TANC1: variants seen among roughly 807,000 people sequenced by gnomAD.
TANC1 encodes protein TANC1.
In TANC1, 77 loss-of-function variants were observed where a neutral mutation model predicts 149.7. The observed-to-expected ratio is 0.51, with a 90% CI of 0.43 to 0.62. The LOEUF (loss-of-function observed/expected upper bound fraction) is 0.62. Among genes scored for constraint, TANC1 ranks in the 20% least tolerant of loss-of-function variants. TANC1 has a pLI of 0.00. For missense variants in TANC1, 1,985 were observed against 2,321.8 expected (o/e 0.85, Z 2.98); for synonymous variants, 854 against 925.0 (o/e 0.92, Z 1.39).
At chr2:159,151,177 C>A (rs1366816379) in intron 7 of TANC1, among the ~76,000 whole-genome samples, 2 of 152,212 alleles carry the variant, frequency 1.3e-5, no homozygotes, top group Non-Finnish European at 2.9e-5. Context: ...TTTTTGCACA[C>A]TTTCTTTCTC....
Position 159,097,630 on chromosome 2 carries a change from A to T in TANC1, c.62-7A>T. ...GGTTTAACCTAAGTATTCTCTCTCTACTCTAGGAAGTGACTTTGGTCCAGA... is the reference window on the plus strand; with the variant it reads ...GGTTTAACCTAAGTATTCTCTCTCTTCTCTAGGAAGTGACTTTGGTCCAGA... On this transcript the variant is annotated splice_polypyrimidine_tract_variant and splice_region_variant and intron_variant, in intron 3 of 26. Coordinates refer to ENST00000263635, the MANE Select transcript of TANC1 (RefSeq NM_033394.3). 6.2e-7 allele frequency: 1 copy of T among 1,608,810 alleles called. No homozygotes were observed. The highest frequency in any genetic ancestry group is 2.2e-5 in the East Asian group (1 of 44,834).
intron 4 of TANC1, among the ~76,000 whole-genome samples, chr2:159,113,339 T>G (rs1290053527): frequency 6.6e-6 from 1 of 152,240 alleles, no homozygotes; most frequent in African/African-American, 2.4e-5. Flanking sequence ...TATTGTATTG[T>G]AGGAGGACAG....
chr2:159,225,404 T>A (rs1010314969), intron 23 of TANC1: 2 of 502,228 alleles, frequency 4.0e-6, no homozygotes, highest in African/African-American at 3.9e-5. Context: ...TTAATTAATT[T>A]TCCCCACATC....
chr2:159,023,268 T>C (rs911380628), intron 2 of TANC1, among the ~76,000 whole-genome samples: 1 of 152,110 alleles, frequency 6.6e-6, no homozygotes, highest in Non-Finnish European at 1.5e-5. Context: ...AAGAGAGAGA[T>C]CTGTGTATGT....
chr2:159,058,867 C>T (rs2042036044), intron 2 of TANC1, among the ~76,000 whole-genome samples: 1 of 152,104 alleles, frequency 6.6e-6, no homozygotes, highest in Non-Finnish European at 1.5e-5. Flanking sequence ...CCTGAAACAA[C>T]CTGTATGAAT....
Position 159,064,582 on chromosome 2 carries a change from C to T in TANC1, c.-15-1314C>T, listed in dbSNP as rs548160833. ...TTCTGGCCCTGCTGTTAATTAGCTT[C>T]GTGACCCCTGGCAAGCCAGCCTCCC... On this transcript the variant is annotated intron_variant, in intron 2 of 26. Transcript: ENST00000263635. Among the ~76,000 whole-genome samples the T allele has an allele frequency of 3.9e-5, 6 of 152,276 alleles. No individual in the cohort carries two copies. In the East Asian group the frequency reaches 9.6e-4, roughly 24 times the overall value.
At chr2:159,127,766 TAC>T (rs1307518248) in intron 4 of TANC1, among the ~76,000 whole-genome samples, 7 of 152,254 alleles carry the variant, frequency 4.6e-5, no homozygotes, top group African/African-American at 9.6e-5. Flanking sequence ...TGGGGCTTAA[TAC>T]CTAGGTGATG....
At chr2:159,226,525 A>G (rs1345391440) in intron 24 of TANC1, 1 of 152,212 alleles carries the variant, frequency 6.6e-6, no homozygotes, top group African/African-American at 2.4e-5. Flanking sequence ...CTAATTTTTA[A>G]TATCTATTAA....
chr2:159,070,898 G>A (rs1215757534), intron 3 of TANC1, among the ~76,000 whole-genome samples: 1 of 152,128 alleles, frequency 6.6e-6, no homozygotes, highest in African/African-American at 2.4e-5. Context: ...CGAGTAAATG[G>A]CTCAGCTAAT....
At chr2:159,136,085 G>T (rs1283442958) in intron 4 of TANC1, 109 bp from the exon 5 acceptor site, 184 of 576,494 alleles carry the variant, frequency 3.2e-4, no homozygotes, top group East Asian at 8.1e-4. Flanking sequence ...GAAGGCACTG[G>T]CTCTTCCTCT....
chr2:159,111,167 G>A (rs554181856), intron 4 of TANC1, among the ~76,000 whole-genome samples: 35 of 152,358 alleles, frequency 2.3e-4, no homozygotes, highest in Admixed American at 7.8e-4. Context: ...AAGGCAGGAT[G>A]CCTGGTGGTG....
At chr2:159,050,493 T>C (rs1274557372) in intron 2 of TANC1, among the ~76,000 whole-genome samples, 1 of 152,234 alleles carries the variant, frequency 6.6e-6, no homozygotes, top group Non-Finnish European at 1.5e-5. Flanking sequence ...AATGTCATTT[T>C]ATCTGGAAAT....
At chr2:159,228,926 A>G in intron 26 of TANC1, 30 bp downstream of exon 26, 3 of 1,579,576 alleles carry the variant, frequency 1.9e-6, no homozygotes, top group South Asian at 2.2e-5. Flanking sequence ...TTGTGTCTAG[A>G]GCTTTTTTTC....
intron 2 of TANC1, among the ~76,000 whole-genome samples, chr2:159,045,181 G>A (rs77267731): frequency 0.089 from 13,509 of 152,194 alleles, 652 homozygotes; most frequent in Non-Finnish European, 0.11. Flanking sequence ...CATATGGGCC[G>A]GGCGCAGTGG....
In TANC1 at chr2:159,230,013, G is replaced by A; in HGVS notation, c.4587G>A (p.Lys1529=). Residue 1529 remains lysine (K), a synonymous_variant, in exon 27 of 27, where the codon AAG becomes AAA. Coordinates refer to ENST00000263635, the MANE Select transcript of TANC1 (RefSeq NM_033394.3). This position sits in a 1 kb window ranked among gnomAD's most constrained non-coding sequence, Gnocchi z 4.4. ...CAGGGCTGCTCCTGCAGCCCTCCAAGCAGGCCCAGATCGTGAAAACCAGCC... is the reference window on the plus strand; with the variant it reads ...CAGGGCTGCTCCTGCAGCCCTCCAAACAGGCCCAGATCGTGAAAACCAGCC... ...AQPGLLLQPS[K]QAQIVKTSQH... is the part of the protein sequence containing the mutation. 1.2e-6 allele frequency: 2 copies of A among 1,614,060 alleles called. No individual in the cohort carries two copies. The highest frequency in any genetic ancestry group is 1.7e-6 in the Non-Finnish European group (2 of 1,180,038).
Position 159,230,629 on chromosome 2 carries a change from C to A in TANC1, c.5203C>A (p.Gln1735Lys), listed in dbSNP as rs1400536067. 6.2e-7 allele frequency: 1 copy of A among 1,614,208 alleles called. No homozygotes were observed. The highest frequency in any genetic ancestry group is 8.5e-7 in the Non-Finnish European group (1 of 1,180,042). The change falls in exon 27 of 27, where the codon CAG becomes AAG. Residue 1735 changes from glutamine (Q) to lysine (K), a missense_variant. By Grantham distance (53) the Gln-to-Lys change is moderately conservative (BLOSUM62 1). This residue lies in a region of TANC1 where 920 missense variants were observed against 994.7 expected (regional missense o/e 0.92). Transcript: ENST00000263635. This position sits in a 1 kb window ranked among gnomAD's most constrained non-coding sequence, Gnocchi z 4.4. ...GIMDKTARFQ[Q>K]QSNPPSRSWH... is the part of the protein sequence containing the mutation. ...CATGGATAAGACTGCGAGGTTCCAA[C>A]AGCAGAGCAATCCTCCAAGCCGCAG...
chr2:159,169,877 C>T (rs2055010412), intron 9 of TANC1, among the ~76,000 whole-genome samples: 2 of 151,918 alleles, frequency 1.3e-5, no homozygotes, highest in South Asian at 4.1e-4. Context: ...CCTGTAATCA[C>T]AGCTACTTGG....
chr2:159,204,294 C>CACT (rs1233059322), intron 19 of TANC1, among the ~76,000 whole-genome samples: 4 of 152,100 alleles, frequency 2.6e-5, no homozygotes, highest in Non-Finnish European at 5.9e-5. Context: ...GGGGCCTGGT[C>CACT]ACTCATAAAG....
chr2:159,024,644 A>C (rs1234710919), intron 2 of TANC1, among the ~76,000 whole-genome samples: 1 of 151,880 alleles, frequency 6.6e-6, no homozygotes, highest in African/African-American at 2.4e-5. Flanking sequence ...CCAGCTACTC[A>C]GGAGGCTGAG....
Sources: allele counts gnomAD v4.1 joint callset (sites outside exome capture counted in the v4.1 genomes callset), GRCh38; gene constraint gnomAD v4.1.1; regional missense constraint gnomAD v4.1.1; non-coding constraint Gnocchi (gnomAD v3.1); transcripts MANE v1.5; gene names NCBI Gene and HGNC (gene_info 2026-07-23, HGNC 2026-07-21).